The following BOLL variants were observed in gnomAD, a reference collection of about 807,000 sequenced individuals.
BOLL encodes boule RNA binding protein.
A neutral mutation model predicts 44.4 loss-of-function variants in BOLL; 23 were observed. The ratio of observed to expected loss-of-function variants is 0.52; its 90% CI spans 0.37 to 0.73. BOLL has a LOEUF of 0.73. Among genes scored for constraint, BOLL ranks in the 30% least tolerant of loss-of-function variants. The pLI, the probability that BOLL is intolerant of heterozygous loss-of-function variation, is 0.00. For synonymous variants in BOLL, 97 were observed against 110.8 expected (o/e 0.88, Z 0.78); for missense variants, 287 against 338.3 (o/e 0.85, Z 1.19).
At chr2:197,778,222 G>A (rs1226001414) in intron 3 of BOLL, among the ~76,000 whole-genome samples, 1 of 151,772 alleles carries the variant, frequency 6.6e-6, no homozygotes, top group Non-Finnish European at 1.5e-5. Context: ...TCCATCTGTC[G>A]AATGTTGTTT....
intron 10 of BOLL, among the ~76,000 whole-genome samples, chr2:197,733,615 T>C (rs1292329806): frequency 2.6e-5 from 4 of 151,892 alleles, no homozygotes; most frequent in Admixed American, 1.3e-4. Flanking sequence ...AAAACAGAGA[T>C]AGAGACCAAT....
At chr2:197,751,115 A>G (rs1436157451) in intron 9 of BOLL, among the ~76,000 whole-genome samples, 2 of 152,228 alleles carry the variant, frequency 1.3e-5, no homozygotes, top group African/African-American at 2.4e-5. Flanking sequence ...CAAAGACACA[A>G]CATACCAGAA....
At chr2:197,776,485 TC>T (rs35987071) in intron 4 of BOLL, among the ~76,000 whole-genome samples, 1 of 151,872 alleles carries the variant, frequency 6.6e-6, no homozygotes, top group African/African-American at 2.4e-5. Context: ...ACCTTGTACT[TC>T]CCCTAGAAAG....
chr2:197,776,724 C>A lies in BOLL; in HGVS notation c.276+335G>T, dbSNP rs1388196682. Among the ~76,000 whole-genome samples the A allele has an allele frequency of 2.6e-5, 4 of 151,880 alleles. No individual in the cohort carries two copies. In the East Asian group the frequency reaches 7.7e-4, roughly 29 times the overall value. On this transcript the variant is annotated intron_variant, in intron 4 of 10. Coordinates refer to ENST00000392296, the MANE Select transcript of BOLL (RefSeq NM_033030.6). ...TTCTTAGTTTATATAATGTTTTTCACAGGAGGGAAATCATCTCAGATAACC... is the reference window on the plus strand; with the variant it reads ...TTCTTAGTTTATATAATGTTTTTCAAAGGAGGGAAATCATCTCAGATAACC...
rs941724924 is a variant in BOLL, at chr2:197,726,944, G to A, written c.*1611C>T. 2 of 152,506 alleles carry A rather than the reference G, an allele frequency of 1.3e-5. No homozygotes were observed. Among genetic ancestry groups the A allele is most frequent in the African/African-American group, 4.8e-5 (2 of 41,396 alleles). The allele number at this position is 152,506 out of a possible 1,614,324, so 9.4% of individuals were successfully genotyped here. Reference sequence around the variant, plus strand: ...CAGTCCAGGATTTGTTTAGCATCTTGTTTAACATTTGAAAATCAAAACATA... The same window carrying A: ...CAGTCCAGGATTTGTTTAGCATCTTATTTAACATTTGAAAATCAAAACATA... On this transcript the variant is annotated 3_prime_UTR_variant, in exon 11 of 11. Coordinates refer to ENST00000392296, the MANE Select transcript of BOLL (RefSeq NM_033030.6).
chr2:197,756,881 T>G (rs925464154), intron 8 of BOLL, among the ~76,000 whole-genome samples: 1 of 152,144 alleles, frequency 6.6e-6, no homozygotes. Context: ...GTATTTAAAT[T>G]GACATAAATG....
At chr2:197,737,897 G>A (rs1687569656) in intron 10 of BOLL, among the ~76,000 whole-genome samples, 1 of 152,026 alleles carries the variant, frequency 6.6e-6, no homozygotes, top group African/African-American at 2.4e-5. Context: ...ATTCCTTATA[G>A]CCTGGGCAAG....
chr2:197,736,835 T>C (rs1360853096), intron 10 of BOLL, among the ~76,000 whole-genome samples: 1 of 152,162 alleles, frequency 6.6e-6, no homozygotes, highest in Non-Finnish European at 1.5e-5. Flanking sequence ...CTGTATTCTT[T>C]TCTTGAGAAT....
Position 197,754,750 on chromosome 2 carries a change from A to AACAC in BOLL, c.729+1674_729+1677dup, listed in dbSNP as rs142614771. ...CAAAAAACAAACAAAAAAACCCCAA[A>AACAC]ACACACACACACACACACACACACA... is the stretch of plus-strand genomic sequence containing the variant. On this transcript the variant is annotated intron_variant, in intron 9 of 10. Transcript: ENST00000392296. 4.9e-3 allele frequency among the ~76,000 whole-genome samples: 730 copies of AACAC among 150,068 alleles called. 5 individuals carry two copies. Among genetic ancestry groups the AACAC allele is most frequent in the Non-Finnish European group, 6.7e-3 (451 of 67,246 alleles).
chr2:197,757,949 C>T (rs1407292544), intron 7 of BOLL, among the ~76,000 whole-genome samples: 3 of 152,056 alleles, frequency 2.0e-5, no homozygotes, highest in African/African-American at 7.2e-5. Context: ...AAATCAAAAC[C>T]ATAATACAAC....
intron 10 of BOLL, among the ~76,000 whole-genome samples, chr2:197,739,207 T>G (rs1420245254): frequency 6.6e-6 from 1 of 152,148 alleles, no homozygotes; most frequent in Non-Finnish European, 1.5e-5. Context: ...CAGTTTTGAC[T>G]TTGGAAGTCT....
At chr2:197,772,228 G>A (rs1017855568) in intron 5 of BOLL, among the ~76,000 whole-genome samples, 6 of 151,888 alleles carry the variant, frequency 4.0e-5, no homozygotes, top group African/African-American at 1.5e-4. Flanking sequence ...ATACGAATAA[G>A]AAATACCAAA....
At chr2:197,734,477 G>T (rs890300110) in intron 10 of BOLL, among the ~76,000 whole-genome samples, 1 of 152,094 alleles carries the variant, frequency 6.6e-6, no homozygotes, top group Non-Finnish European at 1.5e-5. Flanking sequence ...ATACCCAAAG[G>T]GTTATAAATC....
chr2:197,766,222 T>A (rs1158640708), intron 7 of BOLL, among the ~76,000 whole-genome samples: 2 of 152,126 alleles, frequency 1.3e-5, no homozygotes, highest in Non-Finnish European at 2.9e-5. Flanking sequence ...TAATGGTAGT[T>A]CTGCTTTTAG....
At chr2:197,749,852 C>G (rs888192789) in intron 9 of BOLL, among the ~76,000 whole-genome samples, 5 of 152,044 alleles carry the variant, frequency 3.3e-5, no homozygotes, top group Admixed American at 3.3e-4. Flanking sequence ...CCTAGCAAGA[C>G]AGGCCAACAT....
chr2:197,778,756 T>C (rs1000418884), intron 3 of BOLL, among the ~76,000 whole-genome samples: 2 of 151,506 alleles, frequency 1.3e-5, no homozygotes, highest in Non-Finnish European at 3.0e-5. Flanking sequence ...CATGCAAGAA[T>C]AACTTCTCAA....
At chr2:197,749,093 CAG>C (rs1311304285) in intron 9 of BOLL, among the ~76,000 whole-genome samples, 2 of 152,242 alleles carry the variant, frequency 1.3e-5, no homozygotes, top group African/African-American at 4.8e-5. Flanking sequence ...CCCAGGCAAA[CAG>C]GGTCTGGGGT....
At chr2:197,761,699 T>C (rs555549830) in intron 7 of BOLL, among the ~76,000 whole-genome samples, 1 of 152,176 alleles carries the variant, frequency 6.6e-6, no homozygotes, top group South Asian at 2.1e-4. Flanking sequence ...ATATGCTACC[T>C]AAAAGAAACT....
intron 10 of BOLL, among the ~76,000 whole-genome samples, chr2:197,729,676 C>A (rs1314504559): frequency 6.6e-6 from 1 of 152,218 alleles, no homozygotes; most frequent in Non-Finnish European, 1.5e-5. Flanking sequence ...AGCAGCCTAA[C>A]TGGGAGGCAC....
Sources: allele counts gnomAD v4.1 joint callset (sites outside exome capture counted in the v4.1 genomes callset), GRCh38; gene constraint gnomAD v4.1.1; transcripts MANE v1.5; gene names NCBI Gene and HGNC (gene_info 2026-07-23, HGNC 2026-07-21).